IGSF22: variants seen among roughly 807,000 people sequenced by gnomAD.
IGSF22 encodes the protein immunoglobulin superfamily, member 22.
In IGSF22, 119 loss-of-function variants were observed where a neutral mutation model predicts 127.0. The observed-to-expected ratio is 0.94, with a 90% CI of 0.81 to 1.09. IGSF22 has a LOEUF of 1.09. Among genes scored for constraint, IGSF22 ranks in the 50% least tolerant of loss-of-function variants. The pLI is 0.00. For missense variants in IGSF22, 1,518 were observed against 1,716.6 expected, an observed-to-expected ratio of 0.88 and a Z score of 2.04; for synonymous variants, 568 against 664.7, an observed-to-expected ratio of 0.85 and a Z score of 2.24.
Position 18,715,674 on chromosome 11 carries a change from A to C in IGSF22, c.1289T>G (p.Val430Gly). The C allele has an allele frequency of 2.5e-6, 4 of 1,613,256 alleles. No homozygotes were observed. The highest frequency in any genetic ancestry group is 3.4e-6 in the Non-Finnish European group (4 of 1,179,764). The change falls in exon 11 of 23, where the codon GTG becomes GGG. Residue 430 changes from valine (V) to glycine (G), a missense_variant. Val to Gly is a moderately radical substitution (Grantham distance 109). Coordinates refer to ENST00000513874, the MANE Select transcript of IGSF22 (RefSeq NM_173588.4). ...KFVSNLKNVR[V>G]KERSRACLEC... The stretch of plus-strand genomic sequence containing the variant: ...CAGGCATGCGCGACTCCTCTCTTTC[A>C]CACGTACATTTTTGAGGTTGCTCAC...
At chr11:18,707,294 A>G in intron 20 of IGSF22, 81 bp from the exon 21 acceptor site, 1 of 1,279,330 alleles carries the variant, frequency 7.8e-7, no homozygotes, top group Non-Finnish European at 1.0e-6. Flanking sequence ...GCCAAGTCCG[A>G]TGGAAGATAA....
At chr11:18,724,777 C>T (rs865791007) in intron 1 of IGSF22, among the ~76,000 whole-genome samples, 5 of 152,052 alleles carry the variant, frequency 3.3e-5, no homozygotes, top group Non-Finnish European at 5.9e-5. Flanking sequence ...CTTGTGTTTG[C>T]GACATGGTAA....
Position 18,718,601 on chromosome 11 carries a change from T to A in IGSF22, c.810+14A>T. 3 of 1,477,598 alleles carry A rather than the reference T, an allele frequency of 2.0e-6. No homozygotes were observed. Among genetic ancestry groups the A allele is most frequent in the Non-Finnish European group, 2.8e-6 (3 of 1,055,432 alleles). 91.5% of individuals were successfully genotyped at this position (1,477,598 alleles called of 1,614,324 possible). A position where few individuals can be genotyped will look rare whatever the true frequency, so the allele number is the denominator to read the frequency against. On this transcript the variant is annotated intron_variant, in intron 8 of 22. Transcript: ENST00000513874. The stretch of plus-strand genomic sequence containing the variant: ...AGATATTGCCAAGGTGGACCCTGGC[T>A]AGGCATCCCCCACCTTGATCCATAT...
chr11:18,705,855 A>G lies in IGSF22; in HGVS notation c.3872T>C (p.Leu1291Pro). 6.4e-7 allele frequency: 1 copy of G among 1,550,784 alleles called. No individual in the cohort carries two copies. The highest frequency in any genetic ancestry group is 8.7e-7 in the Non-Finnish European group (1 of 1,146,894). Residue 1291 changes from leucine (L) to proline (P), a missense_variant, in exon 22 of 23, where the codon CTG becomes CCG. Leu to Pro is a moderately conservative substitution (Grantham distance 98). This residue lies in a region of IGSF22 where 58 missense variants were observed against 53.0 expected (regional missense o/e 1.10). Transcript: ENST00000513874. ...GDYSVLVENE[L>P]GKDRSSCTLT... is the part of the protein sequence containing the mutation. ...CGTGCAGCTGCTGCGGTCCTTGCCC[A>G]GCTCGTTCTCCACCAGCACGCTGTA...
chr11:18,710,239 T>C, intron 17 of IGSF22, 88 bp downstream of exon 17: 1 of 1,536,252 alleles, frequency 6.5e-7, no homozygotes. Flanking sequence ...TGATACCTCG[T>C]GTCATACTTT....
At chr11:18,724,065 G>A in intron 2 of IGSF22, 63 bp downstream of exon 2, 1 of 1,351,338 alleles carries the variant, frequency 7.4e-7, no homozygotes, top group South Asian at 1.2e-5. Context: ...GCCACCCAAG[G>A]GATGGGTGTG....
chr11:18,722,513 A>G (rs559168846), intron 2 of IGSF22, among the ~76,000 whole-genome samples: 1 of 152,214 alleles, frequency 6.6e-6, no homozygotes, highest in South Asian at 2.1e-4. Context: ...GTGATTCTTG[A>G]GTGAGGGACA....
intron 14 of IGSF22, 31 bp from the exon 15 acceptor site, chr11:18,712,415 C>CT: frequency 6.6e-7 from 1 of 1,525,824 alleles, no homozygotes; most frequent in Non-Finnish European, 8.8e-7. Context: ...CAGAATGGGG[C>CT]TTTGGAACAA....
chr11:18,716,814 T>C lies in IGSF22; in HGVS notation c.1160A>G (p.Lys387Arg). The C allele has an allele frequency of 6.2e-7, 1 of 1,614,196 alleles. No individual in the cohort carries two copies. The highest frequency in any genetic ancestry group is 8.5e-7 in the Non-Finnish European group (1 of 1,180,024). Residue 387 changes from lysine to arginine, a missense_variant, in exon 10 of 23, where the codon AAG (lysine) becomes AGG (arginine). By Grantham distance (26) the Lys-to-Arg change is conservative. Coordinates refer to ENST00000513874, the MANE Select transcript of IGSF22 (RefSeq NM_173588.4). This position sits in a 1 kb window ranked among gnomAD's most constrained non-coding sequence, Gnocchi z 4.5. ...VSEDGLTHTLKIKDARLSDSG... is the reference protein window; with the variant it reads ...VSEDGLTHTLRIKDARLSDSG... ...GTCACTGAGTCTGGCATCCTTAATC[T>C]TAAGCGTGTGCGTCAGACCATCTTC...
At chr11:18,714,236 C>T (rs746989383) in intron 13 of IGSF22, 41 bp downstream of exon 13, 1 of 1,597,820 alleles carries the variant, frequency 6.3e-7, no homozygotes. Flanking sequence ...GTAGGTGGGC[C>T]AGGCATGGTT....
rs1245230850 is a variant in IGSF22 at position 18,713,884 on chromosome 11, G to A, written c.2063C>T (p.Ser688Leu). The A allele has an allele frequency of 6.2e-7, 1 of 1,614,154 alleles. No individual in the cohort carries two copies. Among genetic ancestry groups the A allele is most frequent in the Admixed American group, 1.7e-5 (1 of 60,030 alleles). The part of the protein sequence containing the change: ...ILLKLKNDHG[S>L]ATATLHLSVL... ...ACTAAGGTGCAGAGTGGCCGTGGCT[G>A]AGCCGTGGTCATTCTTGAGCTTGAG... Residue 688 changes from serine to leucine, a missense_variant, in exon 14 of 23, where the codon TCA becomes TTA. Physicochemically the swap from Ser to Leu is moderately radical, Grantham distance 145. Coordinates refer to ENST00000513874, the MANE Select transcript of IGSF22 (RefSeq NM_173588.4).
chr11:18,715,572 T>C lies in IGSF22; in HGVS notation c.1391A>G (p.Tyr464Cys), dbSNP rs757881031. Reference sequence around the variant, plus strand: ...TCGCTTGCCCTCATGGTTCATGCTGTACTTAGTGCCATGCATCAGCAGCTG... The same window carrying C: ...TCGCTTGCCCTCATGGTTCATGCTGCACTTAGTGCCATGCATCAGCAGCTG... ...DGQLLMHGTK[Y>C]SMNHEGKRAE... Residue 464 changes from tyrosine (Y) to cysteine (C), a missense_variant, in exon 11 of 23, where the codon TAC becomes TGC. Around this residue, in one of 3 missense-constraint regions of IGSF22, gnomAD observed 1,456 missense variants for 1,644.9 expected, o/e 0.89. Transcript: ENST00000513874. The C allele has an allele frequency of 5.6e-6, 9 of 1,613,994 alleles. No individual in the cohort carries two copies. Among genetic ancestry groups the C allele is most frequent in the Non-Finnish European group, 6.8e-6 (8 of 1,180,026 alleles).
chr11:18,710,236 T>C, intron 17 of IGSF22, 91 bp downstream of exon 17: 2 of 1,525,240 alleles, frequency 1.3e-6, no homozygotes, highest in South Asian at 2.4e-5. Context: ...CTGTGATACC[T>C]CGTGTCATAC....
chr11:18,719,715 C>A lies in IGSF22; in HGVS notation c.696+1G>T. ...GCCCCTGCTCCCTGCAGGGTACTTA[C>A]CTCCACCTCTACTTTCTTCTTCATC... is the stretch of plus-strand genomic sequence containing the variant. On this transcript the variant is annotated splice_donor_variant, in intron 7 of 22. Coordinates refer to ENST00000513874, the MANE Select transcript of IGSF22 (RefSeq NM_173588.4). LOFTEE classifies it high-confidence loss of function. 6.2e-7 allele frequency: 1 copy of A among 1,614,002 alleles called. No individual in the cohort carries two copies. The highest frequency in any genetic ancestry group is 8.5e-7 in the Non-Finnish European group (1 of 1,179,952).
chr11:18,714,676 A>G (rs575035931), intron 11 of IGSF22, 52 bp from the exon 12 acceptor site: 3 of 1,602,654 alleles, frequency 1.9e-6, no homozygotes, highest in Non-Finnish European at 2.5e-6. Flanking sequence ...GGTGGGAGGG[A>G]CTTCTGGGAA....
chr11:18,705,647 A>G, intron 22 of IGSF22, 170 bp downstream of exon 22: 1 of 625,822 alleles, frequency 1.6e-6, no homozygotes, highest in East Asian at 2.8e-5. Flanking sequence ...AACAAATGAC[A>G]TCGAAAGGAT....
chr11:18,707,384 G>A (rs1231036143), intron 20 of IGSF22, 171 bp from the exon 21 acceptor site: 11 of 597,004 alleles, frequency 1.8e-5, no homozygotes, highest in South Asian at 1.8e-4. Context: ...TACTAGCCTC[G>A]TGACCTGGGG....
chr11:18,712,234 A>T lies in IGSF22; in HGVS notation c.2246T>A (p.Ile749Asn), dbSNP rs1231924802. The change falls in exon 15 of 23, where the codon ATT becomes AAT. Residue 749 changes from isoleucine (I) to asparagine (N), a missense_variant. Ile to Asn is a moderately radical substitution (Grantham distance 149). Around this residue, in one of 3 missense-constraint regions of IGSF22, gnomAD observed 1,456 missense variants for 1,644.9 expected, o/e 0.89. Coordinates refer to ENST00000513874, the MANE Select transcript of IGSF22 (RefSeq NM_173588.4). Reference sequence around the variant, plus strand: ...TTTGCCGTCCACCTCGCCTATCTTAATCCAGGACTTCTTGCCAACTGCCCT... The same window carrying T: ...TTTGCCGTCCACCTCGCCTATCTTATTCCAGGACTTCTTGCCAACTGCCCT... ...ERRAVGKKSW[I>N]KIGEVDGKVT... is the part of the protein sequence containing the mutation. 1 of 1,551,586 alleles carries T rather than the reference A, an allele frequency of 6.4e-7. No homozygotes were observed. The highest frequency in any genetic ancestry group is 8.7e-7 in the Non-Finnish European group (1 of 1,147,004).
intron 20 of IGSF22, chr11:18,707,512 C>A: frequency 1.9e-6 from 1 of 524,022 alleles, no homozygotes; most frequent in Non-Finnish European, 3.3e-6. Flanking sequence ...AAAATGAATC[C>A]ATTCCTTCCT....
Sources: gnomAD v4.1 joint callset for allele counts (sites outside exome capture counted in the v4.1 genomes callset) on GRCh38, gnomAD v4.1.1 for gene constraint, gnomAD v4.1.1 regional missense constraint, Gnocchi (gnomAD v3.1) non-coding constraint, MANE v1.5 for transcripts, NCBI Gene and HGNC (gene_info 2026-07-23, HGNC 2026-07-21) for gene names.